CNOT2: variants seen among roughly 807,000 people sequenced by gnomAD.
CNOT2 encodes the protein CC chemokine receptor 4-negative regulator of transcription 2.
A neutral mutation model predicts 72.1 loss-of-function variants in CNOT2; 7 were observed. The observed-to-expected ratio is 0.10, with a 90% CI of 0.06 to 0.18. CNOT2 has a LOEUF of 0.18. Ranked by LOEUF, CNOT2 falls within the 10% of genes least tolerant of loss-of-function variation. The pLI is 1.00. For synonymous variants in CNOT2, 196 were observed against 225.6 expected, an observed-to-expected ratio of 0.87 and a Z score of 1.17; for missense variants, 345 against 660.3, an observed-to-expected ratio of 0.52 and a Z score of 5.23.
rs779735859 is a variant in CNOT2, at chr12:70,344,263, T to C, written c.1391+35T>C. 26 of 1,315,076 alleles carry C rather than the reference T, an allele frequency of 2.0e-5. 1 individual carries two copies. The South Asian group carries it at 3.0e-4, about 15-fold the overall frequency. 81.5% of individuals were successfully genotyped at this position (1,315,076 alleles called of 1,614,324 possible). A position where few individuals can be genotyped will look rare whatever the true frequency, so the allele number is the denominator to read the frequency against. The stretch of plus-strand genomic sequence containing the variant: ...AAGTATTTTAATCACTTTTGTATTA[T>C]AGTGGATCTTGACTATGCTGAAAAC... On this transcript the variant is annotated intron_variant, in intron 14 of 15. Coordinates refer to ENST00000229195, the MANE Select transcript of CNOT2 (RefSeq NM_014515.7).
intron 4 of CNOT2, chr12:70,321,522 TTAG>T (rs1878293016): frequency 6.6e-6 from 1 of 151,858 alleles, no homozygotes; most frequent in Non-Finnish European, 1.5e-5. Context: ...AGATAAGGAA[TTAG>T]TAGGTGAGTG....
chr12:70,243,744 A>G (rs1363010006), intron 1 of CNOT2: 1 of 151,642 alleles, frequency 6.6e-6, no homozygotes, highest in Non-Finnish European at 1.5e-5. Context: ...ACCGGACGTA[A>G]AGCGTCGCTG....
At position 70,354,936 on chromosome 12, in the gene CNOT2, A is replaced by G. The variant is rs1020176970; in HGVS notation, c.*1021A>G. 1 of 152,628 alleles carries G rather than the reference A, an allele frequency of 6.6e-6. No individual in the cohort carries two copies. Among genetic ancestry groups the G allele is most frequent in the African/African-American group, 2.4e-5 (1 of 41,456 alleles). The allele number at this position is 152,628 out of a possible 1,614,324, so 9.5% of individuals were successfully genotyped here. A position where few individuals can be genotyped will look rare whatever the true frequency, so the allele number is the denominator to read the frequency against. On this transcript the variant is annotated 3_prime_UTR_variant, in exon 16 of 16. Transcript: ENST00000229195. ...GAAGAGAAAAAAAGATCAATCTTGT[A>G]TTTTCTGACCACATAAAGGCTTCTT...
chr12:70,317,154 A>G (rs1266027194), intron 3 of CNOT2, among the ~76,000 whole-genome samples: 1 of 152,112 alleles, frequency 6.6e-6, no homozygotes, highest in African/African-American at 2.4e-5. Context: ...TTGTATTACT[A>G]TTAGGAAAAC....
At chr12:70,265,875 C>T (rs906199552) in intron 1 of CNOT2, among the ~76,000 whole-genome samples, 2 of 151,966 alleles carry the variant, frequency 1.3e-5, no homozygotes, top group African/African-American at 2.4e-5. Context: ...ACCTCTATGA[C>T]CATGGATTAC....
intron 1 of CNOT2, among the ~76,000 whole-genome samples, chr12:70,263,551 T>C (rs553078949): frequency 6.6e-6 from 1 of 152,218 alleles, no homozygotes; most frequent in African/African-American, 2.4e-5. Flanking sequence ...TCTCTTTTTT[T>C]CTTATCTCTT....
At chr12:70,350,234 G>A (rs1477104615) in intron 15 of CNOT2, among the ~76,000 whole-genome samples, 2 of 151,990 alleles carry the variant, frequency 1.3e-5, no homozygotes, top group East Asian at 3.9e-4. Context: ...ATTATCAGTA[G>A]CTTTCTCAAA....
chr12:70,244,913 T>C (rs957739873), intron 1 of CNOT2, among the ~76,000 whole-genome samples: 2 of 152,348 alleles, frequency 1.3e-5, no homozygotes, highest in African/African-American at 4.8e-5. Flanking sequence ...ATTTCCCTTT[T>C]GAAGCAATAT....
intron 2 of CNOT2, among the ~76,000 whole-genome samples, chr12:70,286,534 G>A (rs1397017404): frequency 6.7e-6 from 1 of 149,794 alleles, no homozygotes; most frequent in Non-Finnish European, 1.5e-5. Context: ...AGTAGTGCTA[G>A]CTCTATTGTA....
At position 70,278,344 on chromosome 12, in the gene CNOT2, T is replaced by C. The variant is rs891568344; in HGVS notation, c.48+70T>C. The stretch of plus-strand genomic sequence containing the variant: ...ACATTGAAACTGTTCAAATGTGTTA[T>C]ATGTAATTGGAACCAGCAAATTGGT... On this transcript the variant is annotated intron_variant, in intron 2 of 15. Transcript: ENST00000229195. 8 of 1,185,086 alleles carry C rather than the reference T, an allele frequency of 6.8e-6. No homozygotes were observed. In the African/African-American group the frequency reaches 7.6e-5, roughly 11 times the overall value. The allele number at this position is 1,185,086 out of a possible 1,614,324, so 73.4% of individuals were successfully genotyped here. A position where few individuals can be genotyped will look rare whatever the true frequency, so the allele number is the denominator to read the frequency against.
chr12:70,277,987 C>T (rs955912459), intron 1 of CNOT2, 145 bp from the exon 2 acceptor site: 65 of 394,676 alleles, frequency 1.6e-4, no homozygotes, highest in African/African-American at 1.1e-3. Flanking sequence ...CAGTCTAGCC[C>T]GCGAAAATGG....
chr12:70,265,178 T>C (rs897082411), intron 1 of CNOT2, among the ~76,000 whole-genome samples: 2 of 152,138 alleles, frequency 1.3e-5, no homozygotes, highest in African/African-American at 2.4e-5. Context: ...TTGTGTCCCA[T>C]TTTCTGGAAA....
At chr12:70,313,987 A>C (rs1050203700) in intron 3 of CNOT2, among the ~76,000 whole-genome samples, 6 of 152,280 alleles carry the variant, frequency 3.9e-5, no homozygotes, top group Middle Eastern at 3.4e-3. Flanking sequence ...AGACCACTTT[A>C]ACATCTTGGG....
At chr12:70,255,308 G>C (rs1270542413) in intron 1 of CNOT2, among the ~76,000 whole-genome samples, 1 of 151,820 alleles carries the variant, frequency 6.6e-6, no homozygotes, top group African/African-American at 2.4e-5. Context: ...CATCGTGTCT[G>C]TTTTTTTGAA....
chr12:70,276,068 C>T (rs1043035268), intron 1 of CNOT2, among the ~76,000 whole-genome samples: 1 of 151,930 alleles, frequency 6.6e-6, no homozygotes, highest in African/African-American at 2.4e-5. Context: ...GAAATATTTC[C>T]AGTTATCCCC....
intron 13 of CNOT2, among the ~76,000 whole-genome samples, chr12:70,342,861 G>T (rs1002159312): frequency 6.6e-6 from 1 of 152,036 alleles, no homozygotes; most frequent in Non-Finnish European, 1.5e-5. Flanking sequence ...ATTCACAATG[G>T]TACCTAAATT....
At chr12:70,341,117 T>A (rs1283395182) in intron 11 of CNOT2, among the ~76,000 whole-genome samples, 1 of 151,980 alleles carries the variant, frequency 6.6e-6, no homozygotes. Flanking sequence ...CTCCTCACTT[T>A]TCAAGTGGTC....
rs1883199589 is a variant in CNOT2, at chr12:70,353,997, C to G, written c.*82C>G. On this transcript the variant is annotated 3_prime_UTR_variant, in exon 16 of 16. Transcript: ENST00000229195. ...CACAATACTCAACATAACTGCAGAA[C>G]TGATGTGGCTCAGGCACCCTGGTTT... 2 of 1,500,272 alleles carry G rather than the reference C, an allele frequency of 1.3e-6. No homozygotes were observed. The highest frequency in any genetic ancestry group is 1.8e-6 in the Non-Finnish European group (2 of 1,128,606). 92.9% of individuals were successfully genotyped at this position (1,500,272 alleles called of 1,614,324 possible). A position where few individuals can be genotyped will look rare whatever the true frequency, so the allele number is the denominator to read the frequency against.
chr12:70,347,824 A>C (rs961035490), intron 15 of CNOT2: 2 of 152,142 alleles, frequency 1.3e-5, no homozygotes, highest in Admixed American at 1.3e-4. Flanking sequence ...GTGTTTTCAG[A>C]AGGTGTATTT....
Sources: gnomAD v4.1 joint callset for allele counts (sites outside exome capture counted in the v4.1 genomes callset) on GRCh38, gnomAD v4.1.1 for gene constraint, MANE v1.5 for transcripts, NCBI Gene and HGNC (gene_info 2026-07-23, HGNC 2026-07-21) for gene names.